MSRA: variants seen among roughly 807,000 people sequenced by gnomAD.
MSRA encodes the protein methionine sulfoxide reductase A.
MSRA carries 54 observed loss-of-function variants against 31.3 expected under a neutral mutation model. The ratio of observed to expected loss-of-function variants is 1.73; its 90% confidence interval spans 1.39 to 2.17. The LOEUF (loss-of-function observed/expected upper bound fraction) is 2.17, where lower values mean the gene tolerates loss of function less well. Among genes scored for constraint, MSRA ranks in the 30% most tolerant of loss-of-function variants. The pLI is 0.00. For synonymous variants in MSRA, 169 were observed against 116.5 expected (o/e 1.45, Z -2.90); for missense variants, 507 against 300.9 (o/e 1.69, Z -5.07).
At chr8:10,058,004 G>C (rs911603236) in intron 1 of MSRA, among the ~76,000 whole-genome samples, 1 of 152,196 alleles carries the variant, frequency 6.6e-6, no homozygotes, top group East Asian at 1.9e-4. Flanking sequence ...TTTTTATAGA[G>C]TATCAGTGGG....
At chr8:10,073,527 A>G (rs1049935432) in intron 1 of MSRA, among the ~76,000 whole-genome samples, 2 of 150,590 alleles carry the variant, frequency 1.3e-5, no homozygotes, top group African/African-American at 4.9e-5. Flanking sequence ...CTATAGTTTC[A>G]CCAACTTTTT....
intron 2 of MSRA, among the ~76,000 whole-genome samples, chr8:10,210,768 C>T (rs1373286557): frequency 1.3e-5 from 2 of 150,042 alleles, no homozygotes; most frequent in Admixed American, 6.6e-5. Context: ...GTGTCTTACT[C>T]TGTTGCCCAT....
At chr8:10,337,615 G>T in intron 5 of MSRA, 1 of 670,762 alleles carries the variant, frequency 1.5e-6, no homozygotes, top group East Asian at 2.7e-5. Flanking sequence ...TAATTTTTCT[G>T]GTCCTGATAT....
chr8:10,088,053 G>A (rs1349053714), intron 1 of MSRA, among the ~76,000 whole-genome samples: 1 of 152,134 alleles, frequency 6.6e-6, no homozygotes, highest in African/African-American at 2.4e-5. Context: ...TGAAGCATCT[G>A]GGGGACTTTA....
intron 3 of MSRA, among the ~76,000 whole-genome samples, chr8:10,287,749 A>C (rs1184849828): frequency 6.6e-6 from 1 of 152,186 alleles, no homozygotes; most frequent in Non-Finnish European, 1.5e-5. Flanking sequence ...GATATCCTAC[A>C]GGTGTGAAGT....
At chr8:10,111,933 G>T (rs990118810) in intron 1 of MSRA, among the ~76,000 whole-genome samples, 9 of 152,294 alleles carry the variant, frequency 5.9e-5, no homozygotes, top group Non-Finnish European at 1.0e-4. Context: ...AGCAGCTGAG[G>T]TCATAGCCGC....
chr8:10,388,809 G>A (rs896543641), intron 5 of MSRA, among the ~76,000 whole-genome samples: 1 of 151,710 alleles, frequency 6.6e-6, no homozygotes, highest in Non-Finnish European at 1.5e-5. Context: ...GATGTTGACC[G>A]GCATCGCTGG....
At chr8:10,252,701 AT>A (rs952051213) in intron 3 of MSRA, among the ~76,000 whole-genome samples, 4 of 152,170 alleles carry the variant, frequency 2.6e-5, no homozygotes, top group Admixed American at 2.6e-4. Flanking sequence ...CTGCAAATTG[AT>A]TTGTCCACGA....
intron 1 of MSRA, among the ~76,000 whole-genome samples, chr8:10,150,352 A>G (rs939740574): frequency 6.6e-6 from 1 of 152,188 alleles, no homozygotes; most frequent in African/African-American, 2.4e-5. Flanking sequence ...TTGTACAAAT[A>G]TGTGCACTTC....
intron 5 of MSRA, among the ~76,000 whole-genome samples, chr8:10,331,314 C>G (rs1802682595): frequency 6.6e-6 from 1 of 152,190 alleles, no homozygotes; most frequent in Admixed American, 6.5e-5. Flanking sequence ...TGGCTGGAGC[C>G]CTGGCTCTGC....
intron 5 of MSRA, among the ~76,000 whole-genome samples, chr8:10,345,261 G>A (rs1460558184): frequency 6.6e-6 from 1 of 151,412 alleles, no homozygotes; most frequent in Non-Finnish European, 1.5e-5. Context: ...GTGATTTGTC[G>A]AGGCTGTTAG....
chr8:10,312,458 G>A (rs1389113480), intron 4 of MSRA, among the ~76,000 whole-genome samples: 1 of 152,148 alleles, frequency 6.6e-6, no homozygotes, highest in African/African-American at 2.4e-5. Flanking sequence ...AGACACCACT[G>A]GCTTCATCAG....
chr8:10,355,067 C>A (rs1174530238), intron 5 of MSRA, among the ~76,000 whole-genome samples: 1 of 152,150 alleles, frequency 6.6e-6, no homozygotes, highest in Non-Finnish European at 1.5e-5. Flanking sequence ...TCTTCACTGG[C>A]ATTTAGCATA....
intron 5 of MSRA, among the ~76,000 whole-genome samples, chr8:10,323,786 C>CTG (rs1466610318): frequency 2.0e-3 from 177 of 88,006 alleles, no homozygotes; most frequent in Admixed American, 4.8e-3. Context: ...CTGTGTCTGT[C>CTG]TGTCTGCATG....
chr8:10,146,260 G>C (rs950171141), intron 1 of MSRA, among the ~76,000 whole-genome samples: 3 of 152,212 alleles, frequency 2.0e-5, no homozygotes, highest in African/African-American at 7.2e-5. Context: ...AACTGAGGAA[G>C]AGAAGAGAGA....
At chr8:10,110,121 C>G (rs1563105848) in intron 1 of MSRA, among the ~76,000 whole-genome samples, 1 of 152,184 alleles carries the variant, frequency 6.6e-6, no homozygotes, top group African/African-American at 2.4e-5. Flanking sequence ...GCCCAGCGTT[C>G]TGACACAGAC....
At chr8:10,313,479 A>AT (rs1801547508) in intron 4 of MSRA, among the ~76,000 whole-genome samples, 2 of 152,068 alleles carry the variant, frequency 1.3e-5, no homozygotes, top group Admixed American at 1.3e-4. Flanking sequence ...AAAAAAAAAA[A>AT]ACAAAAAACA....
chr8:10,221,778 A>T (rs1026865993), intron 2 of MSRA, among the ~76,000 whole-genome samples: 2 of 151,892 alleles, frequency 1.3e-5, no homozygotes, highest in African/African-American at 4.8e-5. Flanking sequence ...GTTGTAATTT[A>T]AAATAACATA....
intron 5 of MSRA, among the ~76,000 whole-genome samples, chr8:10,383,680 C>A (rs996857786): frequency 1.3e-5 from 2 of 152,068 alleles, no homozygotes; most frequent in Non-Finnish European, 2.9e-5. Context: ...TGGAATTATT[C>A]TTCTGCCTAC....
Sources: allele counts gnomAD v4.1 joint callset (sites outside exome capture counted in the v4.1 genomes callset), GRCh38; gene constraint gnomAD v4.1.1; transcripts MANE v1.5; gene names NCBI Gene and HGNC (gene_info 2026-07-23, HGNC 2026-07-21).